Variants in ABCC2 observed in about 807,000 individuals in gnomAD.
ABCC2 encodes the protein ATP-binding cassette sub-family C member 2.
A neutral mutation model predicts 173.4 loss-of-function variants in ABCC2; 157 were observed. The observed-to-expected ratio is 0.91, with a 90% confidence interval of 0.80 to 1.03. ABCC2 has a LOEUF of 1.03. ABCC2 is among the 50% of genes least tolerant of loss of function. The pLI, the probability that ABCC2 is intolerant of heterozygous loss-of-function variation, is 0.00. For synonymous variants in ABCC2, 657 were observed against 693.5 expected, an observed-to-expected ratio of 0.95 and a Z score of 0.83; for missense variants, 1,822 against 1,852.3, an observed-to-expected ratio of 0.98 and a Z score of 0.30.
chr10:99,822,021 A>G (rs1382589763), intron 19 of ABCC2, among the ~76,000 whole-genome samples: 1 of 152,036 alleles, frequency 6.6e-6, no homozygotes, highest in African/African-American at 2.4e-5. Context: ...CAATGGAAAT[A>G]TTTATCATCA....
chr10:99,818,082 G>A (rs1438010721), intron 17 of ABCC2, among the ~76,000 whole-genome samples: 1 of 152,106 alleles, frequency 6.6e-6, no homozygotes, highest in Non-Finnish European at 1.5e-5. Context: ...AATTAGCCGG[G>A]TGTGGTAGCA....
At position 99,817,301 on chromosome 10, in the gene ABCC2, C is replaced by T. The variant is rs774902843; in HGVS notation, c.2095-7C>T. The stretch of plus-strand genomic sequence containing the variant: ...GCTGTAACATGATCTGATCCTTTTT[C>T]ATCTAGGGCACCACTGCCTATGTCC... On this transcript the variant is annotated splice_polypyrimidine_tract_variant and splice_region_variant and intron_variant, in intron 16 of 31. Coordinates refer to ENST00000647814, the MANE Select transcript of ABCC2 (RefSeq NM_000392.5). The T allele has an allele frequency of 2.5e-6, 4 of 1,613,962 alleles. No individual in the cohort carries two copies. In the East Asian group the frequency reaches 6.7e-5, roughly 27 times the overall value.
rs200342237 is a variant in ABCC2 at position 99,799,247 on chromosome 10, A to G, written c.908A>G (p.Lys303Arg). 2.3e-5 allele frequency: 37 copies of G among 1,614,118 alleles called. No homozygotes were observed. The Middle Eastern group carries it at 1.2e-3, about 50-fold the overall frequency. Residue 303 changes from lysine (K) to arginine (R), a missense_variant, in exon 8 of 32, where the codon AAA (lysine) becomes AGA (arginine). By Grantham distance (26) the Lys-to-Arg change is conservative. Coordinates refer to ENST00000647814, the MANE Select transcript of ABCC2 (RefSeq NM_000392.5). Reference protein sequence around the residue: ...EKKKKKSGTKKDVPKSWLMKA... With the variant: ...EKKKKKSGTKRDVPKSWLMKA... ...AAAAAAAAGAAGTCTGGGACCAAAA[A>G]AGATGTTCCAAAATCCTGGTTGATG...
intron 30 of ABCC2, 88 bp downstream of exon 30, chr10:99,847,215 G>A (rs1372996879): frequency 7.5e-6 from 11 of 1,472,054 alleles, no homozygotes; most frequent in Non-Finnish European, 5.7e-6. Flanking sequence ...GTGATGCCTG[G>A]CATAGAATTT....
intron 2 of ABCC2, among the ~76,000 whole-genome samples, chr10:99,790,383 C>G (rs546145090): frequency 6.6e-6 from 1 of 151,968 alleles, no homozygotes. Context: ...CATTTTTTTA[C>G]ATTGAGTTAT....
chr10:99,805,885 A>G (rs1471818417), intron 11 of ABCC2, among the ~76,000 whole-genome samples: 1 of 152,184 alleles, frequency 6.6e-6, no homozygotes, highest in African/African-American at 2.4e-5. Context: ...TTTTAAAAAT[A>G]TAGCCACAAT....
In ABCC2 at chr10:99,817,336, C is replaced by G; in HGVS notation, c.2123C>G (p.Ser708Cys). 6.2e-7 allele frequency: 1 copy of G among 1,614,180 alleles called. No individual in the cohort carries two copies. Among genetic ancestry groups the G allele is most frequent in the East Asian group, 2.2e-5 (1 of 44,884 alleles). ...KGTTAYVPQQSWIQNGTIKDN... is the reference protein window; with the variant it reads ...KGTTAYVPQQCWIQNGTIKDN... Reference sequence around the variant, plus strand: ...ACCACTGCCTATGTCCCACAGCAGTCCTGGATTCAGAATGGCACCATAAAG... The same window carrying G: ...ACCACTGCCTATGTCCCACAGCAGTGCTGGATTCAGAATGGCACCATAAAG... The change falls in exon 17 of 32, where the codon TCC (serine) becomes TGC (cysteine). Residue 708 changes from serine to cysteine, a missense_variant. Transcript: ENST00000647814.
intron 19 of ABCC2, among the ~76,000 whole-genome samples, chr10:99,826,110 A>G (rs1239357202): frequency 6.6e-6 from 1 of 152,218 alleles, no homozygotes; most frequent in Admixed American, 6.5e-5. Flanking sequence ...AGTTGCTTGA[A>G]TAGTTATATT....
chr10:99,850,462 T>C, intron 30 of ABCC2, 140 bp from the exon 31 acceptor site: 3 of 814,776 alleles, frequency 3.7e-6, no homozygotes, highest in Non-Finnish European at 6.1e-6. Flanking sequence ...GTACAGCTAG[T>C]TGAAGAGGCC....
At chr10:99,820,848 T>C (rs2133085726) in intron 19 of ABCC2, among the ~76,000 whole-genome samples, 1 of 152,302 alleles carries the variant, frequency 6.6e-6, no homozygotes, top group East Asian at 1.9e-4. Context: ...CTGTGGGTGT[T>C]TCTCGTAAGG....
At chr10:99,820,207 C>T (rs1263586957) in intron 19 of ABCC2, among the ~76,000 whole-genome samples, 1 of 152,076 alleles carries the variant, frequency 6.6e-6, no homozygotes, top group Non-Finnish European at 1.5e-5. Flanking sequence ...GCCTGACCAA[C>T]ATGGAGAAAC....
At chr10:99,813,174 T>C (rs2038246905) in intron 16 of ABCC2, 30 bp downstream of exon 16, 1 of 1,610,886 alleles carries the variant, frequency 6.2e-7, no homozygotes, top group Non-Finnish European at 8.5e-7. Context: ...CAAAAGCCTC[T>C]GACTCCCGAA....
chr10:99,819,904 TG>T (rs1277450050), intron 19 of ABCC2, among the ~76,000 whole-genome samples: 1 of 152,230 alleles, frequency 6.6e-6, no homozygotes, highest in Non-Finnish European at 1.5e-5. Context: ...CCCAAGGACC[TG>T]CCAACAGCAG....
At chr10:99,801,422 G>C (rs2038014534) in intron 9 of ABCC2, among the ~76,000 whole-genome samples, 1 of 152,138 alleles carries the variant, frequency 6.6e-6, no homozygotes, top group Non-Finnish European at 1.5e-5. Flanking sequence ...ATTTTTAGTA[G>C]AGATGGGGTT....
chr10:99,820,358 TCCAG>T (rs1160162787), intron 19 of ABCC2, among the ~76,000 whole-genome samples: 1 of 151,666 alleles, frequency 6.6e-6, no homozygotes, highest in Non-Finnish European at 1.5e-5. Context: ...GCCATTGCAC[TCCAG>T]CCTGGGCAAC....
chr10:99,851,378 A>G (rs2039086021), intron 31 of ABCC2, 124 bp from the exon 32 acceptor site: 1 of 1,111,338 alleles, frequency 9.0e-7, no homozygotes, highest in Non-Finnish European at 1.4e-6. Flanking sequence ...GCTGTGGCTC[A>G]TTGATTTTCA....
chr10:99,811,474 C>A, intron 14 of ABCC2, 62 bp from the exon 15 acceptor site: 2 of 1,529,920 alleles, frequency 1.3e-6, no homozygotes, highest in South Asian at 1.1e-5. Flanking sequence ...GAGAGAGACA[C>A]GTGAGGGCAG....
chr10:99,845,853 C>T, intron 29 of ABCC2, 71 bp downstream of exon 29: 1 of 1,492,288 alleles, frequency 6.7e-7, no homozygotes, highest in African/African-American at 1.4e-5. Flanking sequence ...TATGCAGCTT[C>T]TTCTTGATGT....
intron 25 of ABCC2, among the ~76,000 whole-genome samples, 167 bp from the exon 26 acceptor site, chr10:99,841,800 A>G (rs559994826): frequency 1.3e-5 from 2 of 152,344 alleles, no homozygotes; most frequent in South Asian, 4.1e-4. Context: ...AAATATATCA[A>G]TAGGCTTTTA....
Sources: allele counts gnomAD v4.1 joint callset (sites outside exome capture counted in the v4.1 genomes callset), GRCh38; gene constraint gnomAD v4.1.1; transcripts MANE v1.5; gene names NCBI Gene and HGNC (gene_info 2026-07-23, HGNC 2026-07-21).